CPQ: variants seen among roughly 807,000 people sequenced by gnomAD.
The protein encoded by CPQ is carboxypeptidase Q, also known as Ser-Met dipeptidase.
A neutral mutation model predicts 45.7 loss-of-function variants in CPQ; 37 were observed. The ratio of observed to expected loss-of-function variants is 0.81; its 90% CI spans 0.62 to 1.07. CPQ has a LOEUF of 1.07. Among genes scored for constraint, CPQ ranks in the 50% least tolerant of loss-of-function variants. The pLI is 0.00. For missense variants in CPQ, 537 were observed against 572.9 expected, an observed-to-expected ratio of 0.94 and a Z score of 0.64; for synonymous variants, 186 against 205.8, an observed-to-expected ratio of 0.90 and a Z score of 0.82.
At chr8:97,063,301 T>C (rs1028944099) in intron 6 of CPQ, among the ~76,000 whole-genome samples, 1 of 152,206 alleles carries the variant, frequency 6.6e-6, no homozygotes, top group African/African-American at 2.4e-5. Context: ...TCTGTTCATG[T>C]CCTTTGCCCA....
chr8:97,001,112 T>C (rs1809272901), intron 5 of CPQ, among the ~76,000 whole-genome samples: 1 of 152,188 alleles, frequency 6.6e-6, no homozygotes, highest in South Asian at 2.1e-4. Context: ...TTTGCTGAAG[T>C]TGCTTATCAG....
intron 4 of CPQ, among the ~76,000 whole-genome samples, chr8:96,964,334 A>G (rs1452558239): frequency 1.3e-5 from 2 of 152,088 alleles, no homozygotes; most frequent in African/African-American, 4.8e-5. Flanking sequence ...CTAGCAATGT[A>G]CAAGAGTTCC....
intron 4 of CPQ, among the ~76,000 whole-genome samples, chr8:96,895,381 A>G (rs1812430860): frequency 6.6e-6 from 1 of 152,122 alleles, no homozygotes; most frequent in South Asian, 2.1e-4. Context: ...AGATACTGTC[A>G]AATCTAGTTG....
intron 1 of CPQ, among the ~76,000 whole-genome samples, chr8:96,653,024 C>T (rs1380181692): frequency 6.6e-6 from 1 of 152,166 alleles, no homozygotes; most frequent in Non-Finnish European, 1.5e-5. Flanking sequence ...CTCTGCCTCC[C>T]AGGCTCAAGC....
At chr8:96,779,257 A>C (rs1020435425) in intron 1 of CPQ, among the ~76,000 whole-genome samples, 1 of 151,860 alleles carries the variant, frequency 6.6e-6, no homozygotes, top group African/African-American at 2.4e-5. Context: ...CTGTCTTCAG[A>C]TGTTATGTCT....
chr8:96,823,536 C>T (rs1292829110), intron 2 of CPQ, among the ~76,000 whole-genome samples: 1 of 151,972 alleles, frequency 6.6e-6, no homozygotes, highest in Admixed American at 6.6e-5. Context: ...GATATTTTTT[C>T]TGATAATATT....
intron 4 of CPQ, among the ~76,000 whole-genome samples, chr8:96,890,641 A>G (rs1433260718): frequency 6.6e-6 from 1 of 152,228 alleles, no homozygotes; most frequent in Non-Finnish European, 1.5e-5. Flanking sequence ...TGCCCCGGCC[A>G]ACACTGTAAC....
chr8:96,923,240 G>T (rs1215559681), intron 4 of CPQ, among the ~76,000 whole-genome samples: 2 of 152,162 alleles, frequency 1.3e-5, no homozygotes, highest in African/African-American at 4.8e-5. Context: ...TAAAGAAGCA[G>T]TATAAAATAT....
At chr8:97,027,791 G>A (rs998195595) in intron 5 of CPQ, among the ~76,000 whole-genome samples, 6 of 152,130 alleles carry the variant, frequency 3.9e-5, no homozygotes, top group Non-Finnish European at 8.8e-5. Flanking sequence ...AGGAATTGGC[G>A]ACATTACAAT....
At chr8:96,825,461 G>A (rs1279564184) in intron 2 of CPQ, among the ~76,000 whole-genome samples, 3 of 151,940 alleles carry the variant, frequency 2.0e-5, no homozygotes, top group African/African-American at 4.8e-5. Context: ...GCTTCGTTGT[G>A]CCTCCATTTT....
intron 4 of CPQ, among the ~76,000 whole-genome samples, chr8:96,882,871 A>G (rs373585897): frequency 2.2e-4 from 33 of 152,236 alleles, no homozygotes; most frequent in East Asian, 9.6e-4. Flanking sequence ...CACTACTACA[A>G]TTATAATATA....
intron 7 of CPQ, among the ~76,000 whole-genome samples, chr8:97,066,920 T>C (rs1224324838): frequency 3.0e-5 from 1 of 33,808 alleles, no homozygotes; most frequent in African/African-American, 6.7e-5. Flanking sequence ...AACAGTCTTT[T>C]TTTTTTTTTT....
intron 4 of CPQ, among the ~76,000 whole-genome samples, chr8:96,932,543 CT>C (rs1309393532): frequency 1.3e-5 from 2 of 152,190 alleles, no homozygotes; most frequent in Non-Finnish European, 2.9e-5. Flanking sequence ...CTAAATGCCA[CT>C]TTACTATACA....
At chr8:96,669,338 T>C (rs1380420283) in intron 1 of CPQ, among the ~76,000 whole-genome samples, 1 of 152,202 alleles carries the variant, frequency 6.6e-6, no homozygotes, top group Admixed American at 6.5e-5. Flanking sequence ...ATGGAGGATC[T>C]ACAACTCTCA....
intron 4 of CPQ, among the ~76,000 whole-genome samples, chr8:96,956,939 G>A (rs566390433): frequency 6.6e-6 from 1 of 152,216 alleles, no homozygotes; most frequent in South Asian, 2.1e-4. Context: ...CTGGATGCTT[G>A]TGCAGGCATG....
intron 1 of CPQ, among the ~76,000 whole-genome samples, chr8:96,717,203 T>C (rs1809694277): frequency 6.6e-6 from 1 of 151,546 alleles, no homozygotes; most frequent in Non-Finnish European, 1.5e-5. Context: ...TGCATGTATC[T>C]TTTTCATATA....
rs182505041 is a variant in CPQ, at chr8:97,044,050, G to A, written c.1053+14556G>A. 4.5e-3 allele frequency among the ~76,000 whole-genome samples: 678 copies of A among 152,306 alleles called. 6 individuals carry two copies. Among genetic ancestry groups the A allele is most frequent in the African/African-American group, 0.016 (651 of 41,560 alleles). On this transcript the variant is annotated intron_variant, in intron 6 of 7. Transcript: ENST00000220763. ...TGGCCTGCCTTGCTAGATTGGGGAAGTTCTCCTGGATAATATCCTGCAGAG... is the reference window on the plus strand; with the variant it reads ...TGGCCTGCCTTGCTAGATTGGGGAAATTCTCCTGGATAATATCCTGCAGAG...
intron 1 of CPQ, among the ~76,000 whole-genome samples, chr8:96,653,468 C>T (rs1234692386): frequency 6.6e-6 from 1 of 152,118 alleles, no homozygotes; most frequent in African/African-American, 2.4e-5. Context: ...CATCCTTGAG[C>T]AATGCGGGGC....
chr8:96,705,717 A>T (rs1358996687), intron 1 of CPQ, among the ~76,000 whole-genome samples: 1 of 151,850 alleles, frequency 6.6e-6, no homozygotes, highest in Non-Finnish European at 1.5e-5. Flanking sequence ...CTCTCTCTTG[A>T]CTATCTGTTT....
Sources: gnomAD v4.1 joint callset for allele counts (sites outside exome capture counted in the v4.1 genomes callset) on GRCh38, gnomAD v4.1.1 for gene constraint, MANE v1.5 for transcripts, NCBI Gene and HGNC (gene_info 2026-07-23, HGNC 2026-07-21) for gene names.